The following MAGI2 variants were observed in gnomAD, a reference collection of about 807,000 sequenced individuals.
The protein encoded by MAGI2 is membrane-associated guanylate kinase, WW and PDZ domain-containing protein 2.
MAGI2 carries 35 observed loss-of-function variants against 133.3 expected under a neutral mutation model. The observed-to-expected ratio is 0.26, with a 90% CI of 0.20 to 0.35. The LOEUF (loss-of-function observed/expected upper bound fraction) is 0.35. MAGI2 is among the 10% of genes least tolerant of loss of function. The pLI, the probability that MAGI2 is intolerant of heterozygous loss-of-function variation, is 1.00. For missense variants in MAGI2, 1,636 were observed against 1,863.4 expected (o/e 0.88, Z 2.25); for synonymous variants, 729 against 710.6 (o/e 1.03, Z -0.41).
At chr7:78,725,049 G>C (rs980322791) in intron 2 of MAGI2, among the ~76,000 whole-genome samples, 1 of 152,212 alleles carries the variant, frequency 6.6e-6, no homozygotes, top group Non-Finnish European at 1.5e-5. Flanking sequence ...GGATTGCAAA[G>C]CTATTTTCTC....
intron 3 of MAGI2, chr7:78,614,332 A>G (rs1379036771): frequency 6.6e-6 from 1 of 151,722 alleles, no homozygotes; most frequent in Non-Finnish European, 1.5e-5. Flanking sequence ...TCCACATACT[A>G]TCATGCTGAG....
intron 1 of MAGI2, among the ~76,000 whole-genome samples, chr7:79,447,827 A>AT (rs1848969289): frequency 6.6e-6 from 1 of 151,856 alleles, no homozygotes; most frequent in Admixed American, 6.6e-5. Context: ...GCAAAGTATT[A>AT]TTTTTGCTGA....
chr7:78,769,261 AT>A (rs35038531), intron 2 of MAGI2, among the ~76,000 whole-genome samples: 4,888 of 149,370 alleles, frequency 0.033, 112 homozygotes, highest in Non-Finnish European at 0.043. Flanking sequence ...GCAAATATCT[AT>A]TTTTTTTTTT....
intron 1 of MAGI2, among the ~76,000 whole-genome samples, chr7:79,336,214 C>G (rs1270805487): frequency 6.6e-6 from 1 of 151,990 alleles, no homozygotes; most frequent in East Asian, 1.9e-4. Context: ...TATTCTGTAT[C>G]CATTTAGGAC....
At chr7:79,429,453 C>A (rs1168109186) in intron 1 of MAGI2, among the ~76,000 whole-genome samples, 1 of 151,988 alleles carries the variant, frequency 6.6e-6, no homozygotes, top group Non-Finnish European at 1.5e-5. Flanking sequence ...CAGGCGTGTG[C>A]CACCAAGCCC....
intron 2 of MAGI2, among the ~76,000 whole-genome samples, chr7:78,753,353 AG>A (rs1823633647): frequency 6.6e-6 from 1 of 152,154 alleles, no homozygotes; most frequent in Non-Finnish European, 1.5e-5. Flanking sequence ...TGGGCTTTGT[AG>A]CAGATAATAG....
intron 1 of MAGI2, among the ~76,000 whole-genome samples, chr7:79,340,484 T>C (rs6961357): frequency 0.34 from 51,117 of 151,986 alleles, 9,182 homozygotes; most frequent in East Asian, 0.52. Context: ...TATTACAATA[T>C]TCAATGCATA....
chr7:78,309,627 A>G (rs977151196), intron 9 of MAGI2, among the ~76,000 whole-genome samples: 4 of 152,176 alleles, frequency 2.6e-5, no homozygotes, highest in Non-Finnish European at 5.9e-5. Context: ...GTCACACAAT[A>G]TACCAATGTA....
At chr7:78,531,357 G>A (rs569286758) in intron 3 of MAGI2, among the ~76,000 whole-genome samples, 9 of 152,014 alleles carry the variant, frequency 5.9e-5, no homozygotes, top group African/African-American at 2.2e-4. Context: ...GGGGCTACAG[G>A]CATGCACCTC....
intron 1 of MAGI2, among the ~76,000 whole-genome samples, chr7:79,356,950 A>G (rs1449989248): frequency 9.2e-5 from 14 of 152,214 alleles, no homozygotes; most frequent in Non-Finnish European, 1.9e-4. Flanking sequence ...CAGTCCTCTC[A>G]AAAGAAGAAA....
At chr7:79,167,169 G>A (rs1226204430) in intron 1 of MAGI2, among the ~76,000 whole-genome samples, 1 of 151,762 alleles carries the variant, frequency 6.6e-6, no homozygotes, top group African/African-American at 2.4e-5. Context: ...TAATTTTGTG[G>A]GGGTTGAGGA....
At chr7:78,636,763 A>C (rs564726470) in intron 2 of MAGI2, among the ~76,000 whole-genome samples, 21 of 152,282 alleles carry the variant, frequency 1.4e-4, no homozygotes, top group Non-Finnish European at 2.9e-4. Flanking sequence ...GTGCCACTGC[A>C]TTCCAACCTG....
intron 1 of MAGI2, among the ~76,000 whole-genome samples, chr7:79,220,686 C>T (rs886224208): frequency 6.6e-6 from 1 of 152,034 alleles, no homozygotes; most frequent in Non-Finnish European, 1.5e-5. Context: ...CCACTTCTAC[C>T]GTGCTGCCTG....
intron 3 of MAGI2, among the ~76,000 whole-genome samples, chr7:78,547,443 G>A (rs1358045520): frequency 6.6e-6 from 1 of 152,226 alleles, no homozygotes; most frequent in Admixed American, 6.5e-5. Flanking sequence ...TTATTGCGGT[G>A]TATTGGTATG....
At chr7:78,570,046 A>G (rs1231001709) in intron 3 of MAGI2, among the ~76,000 whole-genome samples, 1 of 152,100 alleles carries the variant, frequency 6.6e-6, no homozygotes, top group East Asian at 1.9e-4. Flanking sequence ...TTGTCAATGG[A>G]TATTTGGCTT....
chr7:78,158,066 C>T (rs960700991), intron 16 of MAGI2: 1 of 152,022 alleles, frequency 6.6e-6, no homozygotes, highest in African/African-American at 2.4e-5. Context: ...ATAACATTAA[C>T]TTTATCACAT....
intron 1 of MAGI2, among the ~76,000 whole-genome samples, chr7:79,244,210 G>C (rs538984240): frequency 6.6e-6 from 1 of 152,274 alleles, no homozygotes; most frequent in East Asian, 1.9e-4. Context: ...CTAAACAGGA[G>C]CCTCCACTGA....
chr7:78,151,977 T>C (rs1267793821), intron 16 of MAGI2, among the ~76,000 whole-genome samples: 1 of 151,758 alleles, frequency 6.6e-6, no homozygotes. Context: ...TCAGGAATTG[T>C]GAAGGATCCA....
intron 3 of MAGI2, among the ~76,000 whole-genome samples, chr7:78,593,712 A>C (rs1239489646): frequency 6.6e-6 from 1 of 152,228 alleles, no homozygotes; most frequent in South Asian, 2.1e-4. Flanking sequence ...CTCTGAGTAC[A>C]ACATGAAAGC....
Sources: allele counts gnomAD v4.1 joint callset (sites outside exome capture counted in the v4.1 genomes callset), GRCh38; gene constraint gnomAD v4.1.1; transcripts MANE v1.5; gene names NCBI Gene and HGNC (gene_info 2026-07-23, HGNC 2026-07-21).